The following CR1 variants were observed in gnomAD, a reference collection of about 807,000 sequenced individuals.
CR1 encodes complement receptor type 1.
Under a neutral mutation model 187.3 loss-of-function variants are expected in CR1, and 116 were observed. The ratio of observed to expected loss-of-function variants is 0.62; its 90% confidence interval spans 0.53 to 0.72. The LOEUF (loss-of-function observed/expected upper bound fraction) is 0.72, where lower values mean the gene tolerates loss of function less well. Ranked by LOEUF, CR1 falls within the 30% of genes least tolerant of loss-of-function variation. The pLI is 0.00. For missense variants in CR1, 1,731 were observed against 2,110.7 expected (o/e 0.82, Z 3.52); for synonymous variants, 576 against 747.1 (o/e 0.77, Z 3.73).
In CR1 at chr1:207,640,843, C is replaced by T. The variant is rs148960837; in HGVS notation, c.*1434C>T. On this transcript the variant is annotated 3_prime_UTR_variant, in exon 47 of 47. Transcript: ENST00000367049. ...TTAAAGGTGAATTTTGCCACATTTA[C>T]TTTGACAGCAGTATAAGGAGTGAGA... 58 of 152,144 alleles carry T rather than the reference C, an allele frequency of 3.8e-4. No individual in the cohort carries two copies. The highest frequency in any genetic ancestry group is 1.3e-3 in the African/African-American group (56 of 41,486). The allele number at this position is 152,144 out of a possible 1,614,324, so 9.4% of individuals were successfully genotyped here. A position where few individuals can be genotyped will look rare whatever the true frequency, so the allele number is the denominator to read the frequency against.
At chr1:207,587,200 A>T (rs1032873302) in intron 33 of CR1, among the ~76,000 whole-genome samples, 186 bp from the exon 34 acceptor site, 2 of 152,234 alleles carry the variant, frequency 1.3e-5, no homozygotes, top group African/African-American at 4.8e-5. Flanking sequence ...TAGTAAAAAA[A>T]ATCCTGCTGA....
chr1:207,592,380 G>A (rs749964715), intron 35 of CR1, among the ~76,000 whole-genome samples: 1 of 152,136 alleles, frequency 6.6e-6, no homozygotes, highest in Non-Finnish European at 1.5e-5. Flanking sequence ...CAAGGGCTTC[G>A]ATAAAATTCA....
Position 207,611,971 on chromosome 1 carries a change from C to A in CR1, c.6505C>A (p.Pro2169Thr), listed in dbSNP as rs774346056. Residue 2169 changes from proline to threonine, a missense_variant, in exon 39 of 47, where the codon CCT (proline) becomes ACT (threonine). Coordinates refer to ENST00000367049, the MANE Select transcript of CR1 (RefSeq NM_000651.6). ...CTGTGATGACTTCCTGGGCCAACTC[C>A]CTCATGGCCGTGTGCTACTTCCACT... The part of the protein sequence containing the change: ...KSCDDFLGQL[P>T]HGRVLLPLNL... 1 of 1,614,008 alleles carries A rather than the reference C, an allele frequency of 6.2e-7. No individual in the cohort carries two copies. Among genetic ancestry groups the A allele is most frequent in the Non-Finnish European group, 8.5e-7 (1 of 1,179,916 alleles).
At chr1:207,626,003 G>A (rs1405112052) in intron 45 of CR1, among the ~76,000 whole-genome samples, 2 of 152,114 alleles carry the variant, frequency 1.3e-5, no homozygotes, top group African/African-American at 4.8e-5. Context: ...CCTTTCATTA[G>A]GTTTCAGGTC....
At chr1:207,499,630 T>A (rs1427345745) in intron 1 of CR1, among the ~76,000 whole-genome samples, 1 of 152,194 alleles carries the variant, frequency 6.6e-6, no homozygotes, top group African/African-American at 2.4e-5. Context: ...TTCTGAGCCA[T>A]AAAATAGTAC....
chr1:207,500,871 C>T (rs1430652381), intron 1 of CR1, among the ~76,000 whole-genome samples: 1 of 152,010 alleles, frequency 6.6e-6, no homozygotes, highest in Non-Finnish European at 1.5e-5. Context: ...TCCAAATGTC[C>T]CTCAACAAGT....
intron 42 of CR1, 105 bp from the exon 43 acceptor site, chr1:207,619,775 T>C: frequency 4.3e-6 from 4 of 940,376 alleles, no homozygotes; most frequent in Non-Finnish European, 6.4e-6. Flanking sequence ...ATGCTTCCTC[T>C]TAGCCAAGGG....
intron 5 of CR1, among the ~76,000 whole-genome samples, chr1:207,525,124 ATCAC>A (rs1660129132): frequency 6.6e-6 from 1 of 152,006 alleles, no homozygotes; most frequent in Non-Finnish European, 1.5e-5. Context: ...AGAGAACTCT[ATCAC>A]AAGACAGCAC....
intron 33 of CR1, among the ~76,000 whole-genome samples, chr1:207,585,288 A>G (rs1164523466): frequency 6.6e-6 from 1 of 152,210 alleles, no homozygotes; most frequent in African/African-American, 2.4e-5. Context: ...TCAAAATTGG[A>G]AATGTGGATA....
At chr1:207,582,549 C>G (rs1389336109) in intron 32 of CR1, among the ~76,000 whole-genome samples, 3 of 152,224 alleles carry the variant, frequency 2.0e-5, no homozygotes, top group Non-Finnish European at 4.4e-5. Context: ...AGAAAATGCT[C>G]TTAATTGAGT....
At chr1:207,578,857 G>GATTTT (rs1660848573) in intron 29 of CR1, among the ~76,000 whole-genome samples, 1 of 152,128 alleles carries the variant, frequency 6.6e-6, no homozygotes, top group Non-Finnish European at 1.5e-5. Context: ...ATTTTATTTT[G>GATTTT]ATTTTATTTT....
chr1:207,622,043 G>A (rs766831190), intron 44 of CR1, 47 bp downstream of exon 44: 4 of 1,463,422 alleles, frequency 2.7e-6, no homozygotes, highest in South Asian at 2.4e-5. Context: ...ATCTATAACA[G>A]TAAGTACCTA....
intron 1 of CR1, among the ~76,000 whole-genome samples, chr1:207,497,120 A>G (rs1228506920): frequency 6.6e-6 from 1 of 152,224 alleles, no homozygotes; most frequent in African/African-American, 2.4e-5. Context: ...CATGCCAGGC[A>G]CTTGCGGATT....
In CR1 at chr1:207,574,322, T is replaced by G. The variant is rs142257378; in HGVS notation, c.4452-1273T>G. The stretch of plus-strand genomic sequence containing the variant: ...GAAAATATAATACCCGCAAAAGAAA[T>G]AAGTTTATTGACACCACATTGATTC... On this transcript the variant is annotated intron_variant, in intron 27 of 46. Coordinates refer to ENST00000367049, the MANE Select transcript of CR1 (RefSeq NM_000651.6). Among the ~76,000 whole-genome samples, 195 of 152,186 alleles carry G rather than the reference T, an allele frequency of 1.3e-3. 1 individual carries two copies. Among genetic ancestry groups the G allele is most frequent in the African/African-American group, 4.6e-3 (193 of 41,508 alleles).
intron 33 of CR1, among the ~76,000 whole-genome samples, chr1:207,586,750 A>G (rs890449652): frequency 1.3e-5 from 2 of 152,118 alleles, no homozygotes; most frequent in Non-Finnish European, 2.9e-5. Flanking sequence ...GTGTCTCTAT[A>G]TGTCAAATCC....
chr1:207,505,134 G>T (rs1659388428), intron 1 of CR1, among the ~76,000 whole-genome samples: 1 of 152,132 alleles, frequency 6.6e-6, no homozygotes, highest in Admixed American at 6.5e-5. Flanking sequence ...GACTACTGTT[G>T]TAAAGGAATA....
chr1:207,627,727 A>C (rs1662524011), intron 45 of CR1, among the ~76,000 whole-genome samples: 1 of 152,224 alleles, frequency 6.6e-6, no homozygotes, highest in Non-Finnish European at 1.5e-5. Flanking sequence ...CCTGGGCAAT[A>C]TGGTAAGACC....
intron 36 of CR1, among the ~76,000 whole-genome samples, chr1:207,608,701 A>T (rs1025543693): frequency 6.6e-6 from 1 of 152,196 alleles, no homozygotes; most frequent in African/African-American, 2.4e-5. Context: ...TTATAAAAAA[A>T]TTTCCACTTC....
intron 41 of CR1, among the ~76,000 whole-genome samples, chr1:207,617,686 T>C (rs1409499682): frequency 9.9e-6 from 1 of 101,048 alleles, no homozygotes; most frequent in Non-Finnish European, 2.5e-5. Flanking sequence ...CCTCCATAGC[T>C]CATTCCTTTG....
Sources: gnomAD v4.1 joint callset for allele counts (sites outside exome capture counted in the v4.1 genomes callset) on GRCh38, gnomAD v4.1.1 for gene constraint, MANE v1.5 for transcripts, NCBI Gene and HGNC (gene_info 2026-07-23, HGNC 2026-07-21) for gene names.